RILPL1: variants seen among roughly 807,000 people sequenced by gnomAD.
RILPL1 encodes the protein RILP-like protein 1.
RILPL1 carries 33 observed loss-of-function variants against 50.3 expected under a neutral mutation model. That is an observed-to-expected ratio of 0.66 (90% confidence interval 0.50 to 0.88). The LOEUF (loss-of-function observed/expected upper bound fraction) is 0.88, where lower values mean the gene tolerates loss of function less well. Among genes scored for constraint, RILPL1 ranks in the 40% least tolerant of loss-of-function variants. RILPL1 has a pLI of 0.00. For missense variants in RILPL1, 418 were observed against 542.5 expected, an observed-to-expected ratio of 0.77 and a Z score of 2.28; for synonymous variants, 205 against 228.6, an observed-to-expected ratio of 0.90 and a Z score of 0.93.
At chr12:123,473,953 T>C (rs1440653951) in intron 6 of RILPL1, 1 of 152,186 alleles carries the variant, frequency 6.6e-6, no homozygotes, top group African/African-American at 2.4e-5. Context: ...TGGAGTGCAA[T>C]GGCTCACTGC....
At position 123,491,669 on chromosome 12, in the gene RILPL1, T is replaced by C. The variant is rs1417886013; in HGVS notation, c.802-5864A>G. Among the ~76,000 whole-genome samples the C allele has an allele frequency of 6.6e-6, 1 of 152,190 alleles. No homozygotes were observed. The highest frequency in any genetic ancestry group is 1.5e-5 in the Non-Finnish European group (1 of 68,026). On this transcript the variant is annotated intron_variant, in intron 4 of 6. Transcript: ENST00000376874. The surrounding 1 kb of genome is among the most constrained non-coding windows in gnomAD (Gnocchi z 4.0). ...AGCATACGCCTGTCTGCTTTCCCTATGCAGGCAGCCCGCACTTTACAAAAC... is the reference window on the plus strand; with the variant it reads ...AGCATACGCCTGTCTGCTTTCCCTACGCAGGCAGCCCGCACTTTACAAAAC...
Position 123,498,581 on chromosome 12 carries a change from T to C in RILPL1, c.764A>G (p.Gln255Arg). ...AELGKLRERLQGEHSQNGEEE... is the reference protein window; with the variant it reads ...AELGKLRERLRGEHSQNGEEE... Reference sequence around the variant, plus strand: ...CTCCCCATTCTGGCTGTGCTCCCCCTGCAGCCTCTCTCGCAACTTCCCCAG... The same window carrying C: ...CTCCCCATTCTGGCTGTGCTCCCCCCGCAGCCTCTCTCGCAACTTCCCCAG... The change falls in exon 4 of 7, where the codon CAG (glutamine) becomes CGG (arginine). Residue 255 changes from glutamine to arginine, a missense_variant. By Grantham distance (43) the Gln-to-Arg change is conservative. Transcript: ENST00000376874. The surrounding 1 kb of genome is among the most constrained non-coding windows in gnomAD (Gnocchi z 4.3). The C allele has an allele frequency of 6.2e-7, 1 of 1,613,652 alleles. No homozygotes were observed. Among genetic ancestry groups the C allele is most frequent in the Non-Finnish European group, 8.5e-7 (1 of 1,179,870 alleles).
At position 123,522,535 on chromosome 12, in the gene RILPL1, G is replaced by A. The variant is rs1477195627; in HGVS notation, c.460+960C>T. Among the ~76,000 whole-genome samples the A allele has an allele frequency of 6.6e-6, 1 of 152,154 alleles. No homozygotes were observed. Among genetic ancestry groups the A allele is most frequent in the Non-Finnish European group, 1.5e-5 (1 of 68,026 alleles). On this transcript the variant is annotated intron_variant, in intron 2 of 6. Transcript: ENST00000376874. This position sits in a 1 kb window ranked among gnomAD's most constrained non-coding sequence, Gnocchi z 4.0. ...AAATCCAAACCTCAGCCTCTAAGGA[G>A]CTACATGAACTGACCCCTGTGACCT... is the stretch of plus-strand genomic sequence containing the variant.
At position 123,491,299 on chromosome 12, in the gene RILPL1, G is replaced by A. The variant is rs564024447; in HGVS notation, c.802-5494C>T. 1.3e-5 allele frequency among the ~76,000 whole-genome samples: 2 copies of A among 152,278 alleles called. No homozygotes were observed. The highest frequency in any genetic ancestry group is 4.1e-4 in the South Asian group (2 of 4,826). Reference sequence around the variant, plus strand: ...GCTGAGATAAGCTGGGGCCTTTTGTGGGTTGTCTGCTGATCCCTGGAGGTA... The same window carrying A: ...GCTGAGATAAGCTGGGGCCTTTTGTAGGTTGTCTGCTGATCCCTGGAGGTA... On this transcript the variant is annotated intron_variant, in intron 4 of 6. Coordinates refer to ENST00000376874, the MANE Select transcript of RILPL1 (RefSeq NM_178314.5). This position sits in a 1 kb window ranked among gnomAD's most constrained non-coding sequence, Gnocchi z 4.0.
At chr12:123,516,547 T>G (rs149437234) in intron 2 of RILPL1, among the ~76,000 whole-genome samples, 12 of 152,350 alleles carry the variant, frequency 7.9e-5, no homozygotes, top group African/African-American at 2.9e-4. Flanking sequence ...CATAAGTCAG[T>G]TGCGTGGGAA....
intron 2 of RILPL1, among the ~76,000 whole-genome samples, chr12:123,507,925 G>T (rs1446370501): frequency 8.2e-6 from 1 of 121,430 alleles, no homozygotes; most frequent in Non-Finnish European, 1.6e-5. Context: ...TGGGCAAAGA[G>T]AGTGAAACTC....
intron 4 of RILPL1, among the ~76,000 whole-genome samples, chr12:123,496,577 C>A (rs576131711): frequency 1.3e-5 from 2 of 152,256 alleles, no homozygotes; most frequent in African/African-American, 4.8e-5. Context: ...CCCTAAAGTT[C>A]ACTATACTTT....
chr12:123,486,865 C>A (rs1882375378), intron 4 of RILPL1, among the ~76,000 whole-genome samples: 1 of 151,892 alleles, frequency 6.6e-6, no homozygotes, highest in Non-Finnish European at 1.5e-5. Flanking sequence ...GTGGCACGAT[C>A]TCAGCTCACT....
intron 2 of RILPL1, among the ~76,000 whole-genome samples, chr12:123,520,069 C>T (rs988124770): frequency 5.3e-5 from 8 of 152,200 alleles, no homozygotes; most frequent in African/African-American, 1.9e-4. Context: ...CCCTATGGCC[C>T]AGCAATTCCA....
chr12:123,510,441 G>T (rs563415959), intron 2 of RILPL1, among the ~76,000 whole-genome samples: 2 of 148,754 alleles, frequency 1.3e-5, no homozygotes, highest in Non-Finnish European at 3.0e-5. Context: ...GTGTGTGTGA[G>T]GTCTGTGTGT....
chr12:123,486,621 C>T (rs773161504), intron 4 of RILPL1, among the ~76,000 whole-genome samples: 2 of 152,166 alleles, frequency 1.3e-5, no homozygotes, highest in African/African-American at 2.4e-5. Context: ...TTTCTTCATA[C>T]CAAAAGGAAA....
chr12:123,528,530 C>T (rs1244375520), intron 1 of RILPL1, among the ~76,000 whole-genome samples: 1 of 151,432 alleles, frequency 6.6e-6, no homozygotes, highest in African/African-American at 2.4e-5. Context: ...CGGGTTCATG[C>T]CATTCTCCTG....
intron 4 of RILPL1, among the ~76,000 whole-genome samples, chr12:123,494,050 G>A (rs1403210197): frequency 6.6e-6 from 1 of 152,102 alleles, no homozygotes; most frequent in Admixed American, 6.6e-5. Context: ...CTCCCCAAGT[G>A]CTGGGATTAC....
intron 6 of RILPL1, chr12:123,475,572 C>T: frequency 1.2e-6 from 1 of 809,880 alleles, no homozygotes; most frequent in Non-Finnish European, 2.1e-6. Flanking sequence ...GCTTAAGTGG[C>T]CAGGGGGAGA....
intron 2 of RILPL1, among the ~76,000 whole-genome samples, chr12:123,513,094 GTA>G (rs1884469230): frequency 6.7e-6 from 1 of 149,006 alleles, no homozygotes; most frequent in Non-Finnish European, 1.5e-5. Flanking sequence ...GTGAGTGCGT[GTA>G]TGTCTGTGTG....
At chr12:123,502,441 G>C (rs1883457950) in intron 2 of RILPL1, among the ~76,000 whole-genome samples, 1 of 152,226 alleles carries the variant, frequency 6.6e-6, no homozygotes, top group Non-Finnish European at 1.5e-5. Context: ...GCTTTCCCGG[G>C]TTCCATTTGT....
Position 123,481,620 on chromosome 12 carries a change from G to A in RILPL1, c.1067+2560C>T, listed in dbSNP as rs9778259. ...TGCCCAAACTGGAGTGCAATGGCAC[G>A]ATCTTGGCTCACTGCAACCTCTGTC... On this transcript the variant is annotated intron_variant, in intron 6 of 6. Transcript: ENST00000376874. Among the ~76,000 whole-genome samples, 578 of 151,166 alleles carry A rather than the reference G, an allele frequency of 3.8e-3. 3 individuals are homozygous for A. The highest frequency in any genetic ancestry group is 0.013 in the African/African-American group (523 of 41,118).
In RILPL1 at chr12:123,490,535, T is replaced by G. The variant is rs1336527224; in HGVS notation, c.802-4730A>C. Among the ~76,000 whole-genome samples, 3 of 152,182 alleles carry G rather than the reference T, an allele frequency of 2.0e-5. 1 individual carries two copies. The highest frequency in any genetic ancestry group is 4.4e-5 in the Non-Finnish European group (3 of 68,026). On this transcript the variant is annotated intron_variant, in intron 4 of 6. Coordinates refer to ENST00000376874, the MANE Select transcript of RILPL1 (RefSeq NM_178314.5). ...AGTTCATTTTTGGGGAGGAATGGCC[T>G]GATTCCTTTAGAGTTTGGGGAAATC... is the stretch of plus-strand genomic sequence containing the variant.
rs1177680199 is a variant in RILPL1, at chr12:123,493,782, CTCT to C, written c.801+4759_801+4761del. Among the ~76,000 whole-genome samples the C allele has an allele frequency of 6.4e-5, 9 of 141,644 alleles. No homozygotes were observed. In the South Asian group the frequency reaches 1.3e-3, roughly 21 times the overall value. 92.9% of individuals were successfully genotyped at this position (141,644 alleles called of 152,430 possible). On this transcript the variant is annotated intron_variant, in intron 4 of 6. Coordinates refer to ENST00000376874, the MANE Select transcript of RILPL1 (RefSeq NM_178314.5). The stretch of plus-strand genomic sequence containing the variant: ...TTCAAGATCTGTCCTGAGGCCCTGC[CTCT>C]TTTTTTTTTTTTTTTTTGAGATGAA...
Sources: allele counts gnomAD v4.1 joint callset (sites outside exome capture counted in the v4.1 genomes callset), GRCh38; gene constraint gnomAD v4.1.1; non-coding constraint Gnocchi (gnomAD v3.1); transcripts MANE v1.5; gene names NCBI Gene and HGNC (gene_info 2026-07-23, HGNC 2026-07-21).